FRMPD4: variants seen among roughly 807,000 people sequenced by gnomAD.
The protein encoded by FRMPD4 is FERM and PDZ domain containing 4.
In FRMPD4, 22 loss-of-function variants were observed where a neutral mutation model predicts 94.1. The observed-to-expected ratio is 0.23, with a 90% CI of 0.17 to 0.33. The LOEUF (loss-of-function observed/expected upper bound fraction) is 0.33, where lower values mean the gene tolerates loss of function less well. Ranked by LOEUF, FRMPD4 falls within the 10% of genes least tolerant of loss-of-function variation. The pLI is 1.00. For synonymous variants in FRMPD4, 631 were observed against 548.6 expected, an observed-to-expected ratio of 1.15 and a Z score of -2.10; for missense variants, 1,111 against 1,339.9, an observed-to-expected ratio of 0.83 and a Z score of 2.67.
At chrX:11,954,031 A>C in intron 3 of FRMPD4, among the ~76,000 whole-genome samples, 1 of 112,509 alleles carries the variant, frequency 8.9e-6, no homozygotes, top group Non-Finnish European at 1.9e-5. Context: ...CAGGCAGTGT[A>C]TATCATTGTC....
intron 1 of FRMPD4, among the ~76,000 whole-genome samples, chrX:12,250,535 A>T (rs1167869888): frequency 8.9e-6 from 1 of 112,004 alleles, no homozygotes; most frequent in Non-Finnish European, 1.9e-5. Flanking sequence ...TTCACCGCTG[A>T]TGCACATTAT....
chrX:11,827,826 G>C lies in FRMPD4; in HGVS notation c.-161+5111G>C, dbSNP rs183349035. On this transcript the variant is annotated intron_variant, in intron 1 of 18. Coordinates refer to the FRMPD4 transcript ENST00000640291. ...AATGTATCAATCAAATTTATACTTA[G>C]TTGCTAGTAAAAAAATTATAAGAGA... Among the ~76,000 whole-genome samples the C allele has an allele frequency of 1.1e-4, 12 of 111,991 alleles. No individual in the cohort carries two copies. In the East Asian group the frequency reaches 2.5e-3, roughly 24 times the overall value.
intron 9 of FRMPD4, among the ~76,000 whole-genome samples, chrX:12,695,400 TTTTTA>T (rs1481549204): frequency 9.0e-6 from 1 of 111,071 alleles, no homozygotes; most frequent in African/African-American, 3.3e-5. Flanking sequence ...AACTCTTTTT[TTTTTA>T]TTTATTTATT....
intron 3 of FRMPD4, among the ~76,000 whole-genome samples, chrX:12,104,436 GA>G (rs1288839975): frequency 1.8e-5 from 2 of 112,063 alleles, no homozygotes; most frequent in Admixed American, 9.4e-5. Flanking sequence ...CATTGAATAG[GA>G]AACTTCCTTA....
intron 3 of FRMPD4, among the ~76,000 whole-genome samples, chrX:12,113,800 A>G (rs1453486116): frequency 8.9e-6 from 1 of 112,171 alleles, no homozygotes; most frequent in Admixed American, 9.4e-5. Flanking sequence ...CCTCTTTGGT[A>G]TAAGCTAGTC....
intron 1 of FRMPD4, among the ~76,000 whole-genome samples, chrX:12,448,682 C>T (rs944530228): frequency 1.8e-5 from 2 of 112,389 alleles, no homozygotes; most frequent in Non-Finnish European, 3.8e-5. Context: ...ATACAGGGAT[C>T]ATAGGTCGCT....
At chrX:12,047,628 G>A (rs2054793151) in intron 3 of FRMPD4, among the ~76,000 whole-genome samples, 1 of 111,468 alleles carries the variant, frequency 9.0e-6, no homozygotes, top group Non-Finnish European at 1.9e-5. Flanking sequence ...AGTACCAACA[G>A]TTTTTCAACC....
intron 3 of FRMPD4, among the ~76,000 whole-genome samples, chrX:12,022,622 C>T (rs1327073701): frequency 9.0e-6 from 1 of 111,576 alleles, no homozygotes; most frequent in Non-Finnish European, 1.9e-5. Flanking sequence ...TATCTCCATG[C>T]TCATCTCTCT....
intron 3 of FRMPD4, among the ~76,000 whole-genome samples, chrX:12,066,870 T>C (rs1479163779): frequency 9.8e-6 from 1 of 102,064 alleles, no homozygotes; most frequent in Non-Finnish European, 2.0e-5. Flanking sequence ...TTTTTGTTTT[T>C]GTTTTTGTTT....
chrX:11,910,385 A>G (rs1042773074), intron 3 of FRMPD4, among the ~76,000 whole-genome samples: 3 of 112,427 alleles, frequency 2.7e-5, no homozygotes, highest in African/African-American at 9.7e-5. Flanking sequence ...AACACGAACA[A>G]AATAATTTAT....
chrX:12,583,559 G>A (rs1158564670), intron 2 of FRMPD4: 2 of 830,861 alleles, frequency 2.4e-6, no homozygotes, highest in Non-Finnish European at 3.4e-6. Context: ...CCACGCTCCA[G>A]CGCAAGCCAG....
chrX:12,136,890 AACACACACAC>A (rs376427153), upstream of FRMPD4, among the ~76,000 whole-genome samples: 18 of 97,604 alleles, frequency 1.8e-4, no homozygotes, highest in South Asian at 5.6e-4. Context: ...TCTACGTTAA[AACACACACAC>A]ACACACACAC....
At chrX:12,620,542 C>T (rs747445953) in intron 4 of FRMPD4, among the ~76,000 whole-genome samples, 1 of 112,276 alleles carries the variant, frequency 8.9e-6, no homozygotes, top group African/African-American at 3.2e-5. Context: ...ATCTGTGGAA[C>T]CTTGTCCCAG....
At chrX:12,208,801 A>T (rs2056724253) in intron 1 of FRMPD4, among the ~76,000 whole-genome samples, 1 of 111,925 alleles carries the variant, frequency 8.9e-6, no homozygotes, top group Non-Finnish European at 1.9e-5. Flanking sequence ...AAATACAATC[A>T]TGCATTACAT....
intron 4 of FRMPD4, among the ~76,000 whole-genome samples, chrX:12,635,977 C>T (rs944097177): frequency 8.9e-6 from 1 of 111,735 alleles, no homozygotes; most frequent in South Asian, 3.8e-4. Context: ...GAAGCACATC[C>T]CAGACATCAC....
At chrX:12,179,352 G>A (rs954245091) in intron 1 of FRMPD4, among the ~76,000 whole-genome samples, 1 of 111,243 alleles carries the variant, frequency 9.0e-6, no homozygotes, top group Non-Finnish European at 1.9e-5. Flanking sequence ...CTTAATGGGA[G>A]GAGAAACAAA....
At chrX:12,438,657 G>A (rs2057097698) in intron 1 of FRMPD4, among the ~76,000 whole-genome samples, 1 of 110,983 alleles carries the variant, frequency 9.0e-6, no homozygotes, top group African/African-American at 3.3e-5. Flanking sequence ...ATGTCACCTT[G>A]TAGGTGGTAG....
intron 1 of FRMPD4, among the ~76,000 whole-genome samples, chrX:11,848,131 A>G (rs955484814): frequency 5.4e-5 from 6 of 111,112 alleles, no homozygotes; most frequent in African/African-American, 2.0e-4. Context: ...AATACTGTAC[A>G]TTTTAGACAA....
At chrX:12,608,049 T>A (rs905766532) in intron 2 of FRMPD4, among the ~76,000 whole-genome samples, 4 of 112,872 alleles carry the variant, frequency 3.5e-5, no homozygotes, top group African/African-American at 1.3e-4. Context: ...TGATCTTCTT[T>A]TACTTATTGA....
Sources: allele counts gnomAD v4.1 joint callset (sites outside exome capture counted in the v4.1 genomes callset), GRCh38; gene constraint gnomAD v4.1.1; transcripts MANE v1.5; gene names NCBI Gene and HGNC (gene_info 2026-07-23, HGNC 2026-07-21).